The following CHODL variants were observed in gnomAD, a reference collection of about 807,000 sequenced individuals.
CHODL encodes transmembrane protein MT75.
CHODL carries 29 observed loss-of-function variants against 34.5 expected under a neutral mutation model. The ratio of observed to expected loss-of-function variants is 0.84; its 90% CI spans 0.63 to 1.15. The LOEUF is 1.15. CHODL is among the 50% of genes most tolerant of loss of function. The pLI, the probability that CHODL is intolerant of heterozygous loss-of-function variation, is 0.00. For missense variants in CHODL, 332 were observed against 332.5 expected, an observed-to-expected ratio of 1.00 and a Z score of 0.01; for synonymous variants, 125 against 116.1, an observed-to-expected ratio of 1.08 and a Z score of -0.49.
intron 2 of CHODL, among the ~76,000 whole-genome samples, chr21:18,078,535 CAG>C (rs776403849): frequency 6.6e-5 from 10 of 152,156 alleles, no homozygotes; most frequent in Admixed American, 1.3e-4. Context: ...AAGCAGTTAA[CAG>C]ATATTATTGC....
At chr21:18,003,103 G>T (rs1600881005) in intron 1 of CHODL, among the ~76,000 whole-genome samples, 2 of 143,874 alleles carry the variant, frequency 1.4e-5, no homozygotes, top group African/African-American at 5.2e-5. Flanking sequence ...CAGCCTGGGC[G>T]ACAGCGAGAC....
At chr21:18,235,406 TTAATC>T (rs1248161259) in intron 2 of CHODL, among the ~76,000 whole-genome samples, 2 of 152,254 alleles carry the variant, frequency 1.3e-5, no homozygotes, top group Non-Finnish European at 2.9e-5. Context: ...GAATATATGA[TTAATC>T]TATATTTTAG....
intron 2 of CHODL, among the ~76,000 whole-genome samples, chr21:18,145,638 G>T (rs919881298): frequency 1.1e-4 from 17 of 152,100 alleles, no homozygotes; most frequent in Non-Finnish European, 2.1e-4. Flanking sequence ...AAGAAAGCTT[G>T]ATATCCTGTC....
chr21:18,084,960 T>TGTGTGTGA lies in CHODL; in HGVS notation c.-45+56990_-45+56991insTGTGTGAG, dbSNP rs1479394907. On this transcript the variant is annotated intron_variant, in intron 2 of 6. Coordinates refer to the CHODL transcript ENST00000400127. Reference sequence around the variant, plus strand: ...GTGTGTGTGTGTGTGTGTGTGTGTGTGAATCTGAGTGCTCCAATGTTGGGT... The same window carrying TGTGTGTGA: ...GTGTGTGTGTGTGTGTGTGTGTGTGTGTGTGTGAGAATCTGAGTGCTCCAATGTTGGGT... Among the ~76,000 whole-genome samples the TGTGTGTGA allele has an allele frequency of 2.0e-5, 3 of 150,828 alleles. No homozygotes were observed. In the East Asian group the frequency reaches 5.9e-4, roughly 30 times the overall value.
At chr21:18,056,631 C>CACT (rs1018097441) in intron 2 of CHODL, among the ~76,000 whole-genome samples, 2 of 151,936 alleles carry the variant, frequency 1.3e-5, no homozygotes, top group African/African-American at 4.8e-5. Context: ...AGACATCCTG[C>CACT]ACTGTACTCT....
rs1440042528 is a variant in CHODL, at chr21:17,999,792, T to A, written c.-144-28080T>A. Among the ~76,000 whole-genome samples the A allele has an allele frequency of 2.0e-5, 3 of 152,188 alleles. No individual in the cohort carries two copies. In the East Asian group the frequency reaches 5.8e-4, roughly 29 times the overall value. On this transcript the variant is annotated intron_variant, in intron 1 of 6. Transcript: ENST00000400127. ...GATACAATTCAAGCTGAGATTTGGG[T>A]GGGGACACAGCCAAACCACATCACC...
chr21:18,090,621 T>G (rs980882201), intron 2 of CHODL, among the ~76,000 whole-genome samples: 2 of 149,802 alleles, frequency 1.3e-5, no homozygotes, highest in Non-Finnish European at 2.9e-5. Context: ...GGAGGAAGTC[T>G]GCCACAGAGA....
chr21:18,147,391 T>A (rs867108019), intron 2 of CHODL, among the ~76,000 whole-genome samples: 2 of 152,236 alleles, frequency 1.3e-5, no homozygotes, highest in Non-Finnish European at 2.9e-5. Flanking sequence ...TGTTCTTTGG[T>A]TCTTCCCTAT....
chr21:18,028,261 T>C (rs1423628042), intron 2 of CHODL, among the ~76,000 whole-genome samples: 9 of 79,510 alleles, frequency 1.1e-4, no homozygotes, highest in African/African-American at 5.0e-4. Flanking sequence ...TCCTTTTCTT[T>C]TTCTTTTTCC....
At chr21:18,193,887 C>T (rs8126873) in intron 2 of CHODL, among the ~76,000 whole-genome samples, 47,793 of 151,728 alleles carry the variant, frequency 0.31, 9,927 homozygotes, top group African/African-American at 0.59. Flanking sequence ...TTTTCTTTCT[C>T]GCCCTAGAAA....
intron 2 of CHODL, among the ~76,000 whole-genome samples, chr21:18,217,386 G>A (rs1436091259): frequency 6.6e-6 from 1 of 152,042 alleles, no homozygotes; most frequent in Non-Finnish European, 1.5e-5. Context: ...CCCACATGAT[G>A]GCAGGAAGGA....
chr21:17,920,279 T>C (rs2063173563), intron 1 of CHODL, among the ~76,000 whole-genome samples: 1 of 152,194 alleles, frequency 6.6e-6, no homozygotes. Flanking sequence ...CTGGGCAATT[T>C]ACAAAAGAAA....
intron 2 of CHODL, among the ~76,000 whole-genome samples, chr21:18,078,564 GAATT>G (rs1185978236): frequency 6.6e-6 from 1 of 152,046 alleles, no homozygotes; most frequent in African/African-American, 2.4e-5. Context: ...ATCGACTTTT[GAATT>G]AATCTTTCTT....
chr21:18,016,785 C>T (rs1467368213), intron 1 of CHODL, among the ~76,000 whole-genome samples: 2 of 152,240 alleles, frequency 1.3e-5, no homozygotes, highest in Admixed American at 1.3e-4. Flanking sequence ...GATCTGTACC[C>T]TGCAGAGCCA....
intron 2 of CHODL, among the ~76,000 whole-genome samples, chr21:18,115,977 T>C (rs1287257676): frequency 6.6e-6 from 1 of 152,146 alleles, no homozygotes; most frequent in Non-Finnish European, 1.5e-5. Context: ...CTGCCTTTTT[T>C]GTTGTTGTTG....
At chr21:18,057,704 A>G (rs1259318056) in intron 2 of CHODL, among the ~76,000 whole-genome samples, 2 of 152,010 alleles carry the variant, frequency 1.3e-5, no homozygotes, top group Non-Finnish European at 2.9e-5. Context: ...AAAAAATCTT[A>G]TATAACCCTG....
chr21:18,168,297 C>T (rs2073183005), intron 2 of CHODL, among the ~76,000 whole-genome samples: 1 of 152,158 alleles, frequency 6.6e-6, no homozygotes. Context: ...TACAACTATC[C>T]TATTAGGTCT....
intron 1 of CHODL, among the ~76,000 whole-genome samples, chr21:17,964,331 A>G (rs1214520993): frequency 6.6e-6 from 1 of 152,274 alleles, no homozygotes. Context: ...ATTCATATAC[A>G]TAGAAACAAG....
At chr21:18,157,750 G>A (rs976576432) in intron 2 of CHODL, among the ~76,000 whole-genome samples, 1 of 152,126 alleles carries the variant, frequency 6.6e-6, no homozygotes, top group African/African-American at 2.4e-5. Flanking sequence ...TTGGTTTATA[G>A]TAACACTATT....
Sources: allele counts gnomAD v4.1 joint callset (sites outside exome capture counted in the v4.1 genomes callset), GRCh38; gene constraint gnomAD v4.1.1; transcripts MANE v1.5; gene names NCBI Gene and HGNC (gene_info 2026-07-23, HGNC 2026-07-21).